Variants in MAN2A2 observed in about 807,000 individuals in gnomAD.
MAN2A2 encodes alpha-mannosidase 2x.
A neutral mutation model predicts 126.8 loss-of-function variants in MAN2A2; 79 were observed. The ratio of observed to expected loss-of-function variants is 0.62; its 90% CI spans 0.52 to 0.75. The LOEUF (loss-of-function observed/expected upper bound fraction) is 0.75. Ranked by LOEUF, MAN2A2 falls within the 30% of genes least tolerant of loss-of-function variation. The pLI is 0.00. For synonymous variants in MAN2A2, 671 were observed against 618.7 expected, an observed-to-expected ratio of 1.08 and a Z score of -1.25; for missense variants, 1,392 against 1,522.4, an observed-to-expected ratio of 0.91 and a Z score of 1.43.
At position 90,906,529 on chromosome 15, in the gene MAN2A2, C is replaced by T. The variant is rs1473993110; in HGVS notation, c.835+32C>T. 2.5e-6 allele frequency: 4 copies of T among 1,613,950 alleles called. No homozygotes were observed. The East Asian group carries it at 6.7e-5, about 27-fold the overall frequency. ...CCAGGCCCAGGCATGGGGGTCTGCCCCCTGGGCTGTAAGGCACAGGCAGGG... is the reference window on the plus strand; with the variant it reads ...CCAGGCCCAGGCATGGGGGTCTGCCTCCTGGGCTGTAAGGCACAGGCAGGG... On this transcript the variant is annotated intron_variant, in intron 6 of 22. Coordinates refer to ENST00000559717, the MANE Select transcript of MAN2A2 (RefSeq NM_006122.4).
At chr15:90,918,150 G>C (rs761245967) in intron 20 of MAN2A2, 44 bp from the exon 21 acceptor site, 13 of 1,574,650 alleles carry the variant, frequency 8.3e-6, no homozygotes, top group Non-Finnish European at 1.1e-5. Flanking sequence ...TCTCCCCTCA[G>C]CCTGGCTTTG....
Position 90,910,157 on chromosome 15 carries a change from C to A in MAN2A2, c.1442C>A (p.Ala481Asp), listed in dbSNP as rs1240757751. The A allele has an allele frequency of 2.5e-6, 4 of 1,613,978 alleles. No individual in the cohort carries two copies. The highest frequency in any genetic ancestry group is 3.4e-6 in the Non-Finnish European group (4 of 1,180,042). Residue 481 changes from alanine to aspartate, a missense_variant, in exon 10 of 23, where the codon GCC (alanine) becomes GAC (aspartate). By Grantham distance (126) the Ala-to-Asp change is moderately radical (BLOSUM62 -2). Transcript: ENST00000559717. ...LYKRTGVEPG[A>D]RPPGFPVLSG... ...AAGAGGACAGGGGTGGAGCCAGGGG[C>A]CCGGCCTCCAGGGTTTCCTGTGCTG...
At chr15:90,915,008 G>A (rs931713832) in intron 19 of MAN2A2, among the ~76,000 whole-genome samples, 2 of 152,220 alleles carry the variant, frequency 1.3e-5, no homozygotes, top group African/African-American at 2.4e-5. Context: ...GGGCTGAGCC[G>A]AGAGCACCCA....
chr15:90,912,323 G>A, intron 15 of MAN2A2, 44 bp downstream of exon 15: 3 of 1,601,740 alleles, frequency 1.9e-6, no homozygotes, highest in Non-Finnish European at 2.6e-6. Context: ...GCCAGAGTAG[G>A]GCGTGTGTGG....
chr15:90,905,564 C>G lies in MAN2A2; in HGVS notation c.391-15C>G. Reference sequence around the variant, plus strand: ...TGGCCACGACTGGGGTACTGAGCTGCAGTTCACCTGGCAGATGCTCACTGT... The same window carrying G: ...TGGCCACGACTGGGGTACTGAGCTGGAGTTCACCTGGCAGATGCTCACTGT... On this transcript the variant is annotated splice_polypyrimidine_tract_variant and intron_variant, in intron 3 of 22. Transcript: ENST00000559717. 3 of 1,614,148 alleles carry G rather than the reference C, an allele frequency of 1.9e-6. No individual in the cohort carries two copies. The highest frequency in any genetic ancestry group is 2.5e-6 in the Non-Finnish European group (3 of 1,180,042).
chr15:90,913,330 A>C lies in MAN2A2; in HGVS notation c.2642A>C (p.Asn881Thr). 1 of 1,613,668 alleles carries C rather than the reference A, an allele frequency of 6.2e-7. No homozygotes were observed. The highest frequency in any genetic ancestry group is 2.2e-5 in the East Asian group (1 of 44,888). The stretch of plus-strand genomic sequence containing the variant: ...CTGGTGGACATCCGGGACTACGTCA[A>C]CAAGGAGCTGGCCCTGCACATCCAT... ...SSLVDIRDYVNKELALHIHTD... is the reference protein window; with the variant it reads ...SSLVDIRDYVTKELALHIHTD... Residue 881 changes from asparagine to threonine, a missense_variant, in exon 18 of 23, where the codon AAC (asparagine) becomes ACC (threonine). Asn to Thr is a moderately conservative substitution (Grantham distance 65). Coordinates refer to ENST00000559717, the MANE Select transcript of MAN2A2 (RefSeq NM_006122.4).
Position 90,920,164 on chromosome 15 carries a change from A to G in MAN2A2, c.*377A>G, listed in dbSNP as rs2035479855. The stretch of plus-strand genomic sequence containing the variant: ...AGAGGTAAGGGAGGCTAAGTGGGTA[A>G]CAGCCCAGCATCAGGGTCACTGTGG... On this transcript the variant is annotated 3_prime_UTR_variant, in exon 23 of 23. Coordinates refer to ENST00000559717, the MANE Select transcript of MAN2A2 (RefSeq NM_006122.4). 1 of 217,898 alleles carries G rather than the reference A, an allele frequency of 4.6e-6. No homozygotes were observed. The highest frequency in any genetic ancestry group is 5.2e-5 in the Admixed American group (1 of 19,180). 13.5% of individuals were successfully genotyped at this position (217,898 alleles called of 1,614,324 possible).
At chr15:90,911,589 C>G in intron 14 of MAN2A2, 39 bp downstream of exon 14, 1 of 1,571,128 alleles carries the variant, frequency 6.4e-7, no homozygotes, top group Non-Finnish European at 8.6e-7. Flanking sequence ...GGCCCTCTGC[C>G]CGTCGTGGGC....
chr15:90,906,130 T>TG (rs2034263380), intron 5 of MAN2A2, 114 bp downstream of exon 5: 1 of 1,453,168 alleles, frequency 6.9e-7, no homozygotes, highest in African/African-American at 1.4e-5. Context: ...CAGAGAGCTG[T>TG]GGAAGAGATG....
chr15:90,903,984 C>A, intron 1 of MAN2A2: 1 of 613,290 alleles, frequency 1.6e-6, no homozygotes, highest in Middle Eastern at 4.3e-4. Context: ...TAGCACCAGC[C>A]AAAGGAGAGC....
Position 90,912,169 on chromosome 15 carries a change from A to G in MAN2A2, c.2236A>G (p.Ser746Gly). 1 of 1,614,070 alleles carries G rather than the reference A, an allele frequency of 6.2e-7. No homozygotes were observed. Among genetic ancestry groups the G allele is most frequent in the Non-Finnish European group, 8.5e-7 (1 of 1,179,980 alleles). The change falls in exon 15 of 23, where the codon AGC becomes GGC. Residue 746 changes from serine (S) to glycine (G), a missense_variant. Physicochemically the swap from Ser to Gly is moderately conservative, Grantham distance 56. Transcript: ENST00000559717. ...IYLHGRQLSV[S>G]RHEAFPLRVI... ...CCTGCACGGCCGGCAGCTGTCCGTC[A>G]GCAGGCACGAAGCGTTTCCTCTCCG... is the stretch of plus-strand genomic sequence containing the variant.
rs1355272365 is a variant in MAN2A2, at chr15:90,905,907, G to C, written c.598G>C (p.Val200Leu). 3.7e-6 allele frequency: 6 copies of C among 1,606,754 alleles called. No homozygotes were observed. The highest frequency in any genetic ancestry group is 5.1e-6 in the Non-Finnish European group (6 of 1,176,790). ...GACCCAACACATCCTCAATAGCATG[G>C]TGTCTAAGCTGCAGGAGGACCCCCG... ...EQTQHILNSM[V>L]SKLQEDPRRR... is the part of the protein sequence containing the mutation. The change falls in exon 5 of 23, where the codon GTG becomes CTG. Residue 200 changes from valine to leucine, a missense_variant. By Grantham distance (32) the Val-to-Leu change is conservative (BLOSUM62 1). Coordinates refer to ENST00000559717, the MANE Select transcript of MAN2A2 (RefSeq NM_006122.4).
upstream of MAN2A2, chr15:90,902,799 GGCGGCCCGGGGCCCAGCGGGAGCGCGGCA>G (rs2033942573): frequency 6.8e-6 from 1 of 146,218 alleles, no homozygotes; most frequent in Admixed American, 6.8e-5. Context: ...GGAGCGCGCC[GGCGGCCCGGGGCCCAGCGGGAGCGCGGCA>G]GCGGCGCGCG....
rs753907664 is a variant in MAN2A2, at chr15:90,912,535, T to C, written c.2347-7T>C. On this transcript the variant is annotated splice_region_variant and splice_polypyrimidine_tract_variant and intron_variant, in intron 15 of 22. Coordinates refer to ENST00000559717, the MANE Select transcript of MAN2A2 (RefSeq NM_006122.4). ...GGGCCAGGGGTCAGGGCTGTGTTTTTTGGCAGAGCATCCGAAGGGTGGATG... is the reference window on the plus strand; with the variant it reads ...GGGCCAGGGGTCAGGGCTGTGTTTTCTGGCAGAGCATCCGAAGGGTGGATG... 1.2e-6 allele frequency: 2 copies of C among 1,613,238 alleles called. No individual in the cohort carries two copies. Among genetic ancestry groups the C allele is most frequent in the Non-Finnish European group, 8.5e-7 (1 of 1,179,564 alleles).
intron 8 of MAN2A2, among the ~76,000 whole-genome samples, chr15:90,908,843 T>C (rs2034501361): frequency 6.6e-6 from 1 of 152,198 alleles, no homozygotes. Context: ...CCCAAAGTGC[T>C]GGGATTACAG....
chr15:90,910,743 T>C lies in MAN2A2; in HGVS notation c.1760+60T>C, dbSNP rs973493911. 27 of 1,606,058 alleles carry C rather than the reference T, an allele frequency of 1.7e-5. No individual in the cohort carries two copies. In the African/African-American group the frequency reaches 2.0e-4, roughly 12 times the overall value. ...TGCTCACTGTCCCAAAGAAAGGACA[T>C]TGGGTGGTCAGGGGGTAGGCCGGCC... is the stretch of plus-strand genomic sequence containing the variant. On this transcript the variant is annotated intron_variant, in intron 11 of 22. Transcript: ENST00000559717.
intron 20 of MAN2A2, chr15:90,917,993 C>T (rs909574028): frequency 1.7e-6 from 1 of 580,926 alleles, no homozygotes; most frequent in Admixed American, 3.0e-5. Context: ...GTGAAGTAGC[C>T]CTCTGCGTTA....
chr15:90,912,363 C>A, intron 15 of MAN2A2, 84 bp downstream of exon 15: 1 of 1,569,170 alleles, frequency 6.4e-7, no homozygotes, highest in Non-Finnish European at 8.7e-7. Context: ...GGCCTCCCGG[C>A]CCTGTGAGCA....
In MAN2A2 at chr15:90,912,263, T is replaced by C; in HGVS notation, c.2330T>C (p.Leu777Pro). ...TACATGCAGGTCTGGTTCTCAGGCC[T>C]TACTGGGCTCCTCAAGGTAAAAGGC... ...NRYMQVWFSG[L>P]TGLLKSIRRV... is the part of the protein sequence containing the mutation. Residue 777 changes from leucine to proline, a missense_variant, in exon 15 of 23, where the codon CTT (leucine) becomes CCT (proline). Physicochemically the swap from Leu to Pro is moderately conservative, Grantham distance 98. Transcript: ENST00000559717. 6.2e-7 allele frequency: 1 copy of C among 1,614,230 alleles called. No individual in the cohort carries two copies. The highest frequency in any genetic ancestry group is 8.5e-7 in the Non-Finnish European group (1 of 1,180,038).
Sources: gnomAD v4.1 joint callset for allele counts (sites outside exome capture counted in the v4.1 genomes callset) on GRCh38, gnomAD v4.1.1 for gene constraint, MANE v1.5 for transcripts, NCBI Gene and HGNC (gene_info 2026-07-23, HGNC 2026-07-21) for gene names.